Variants in KLK2 observed in about 807,000 individuals in gnomAD.
The protein encoded by KLK2 is kallikrein-2.
Under a neutral mutation model 23.0 loss-of-function variants are expected in KLK2, and 17 were observed. The ratio of observed to expected loss-of-function variants is 0.74; its 90% confidence interval spans 0.51 to 1.11. The LOEUF (loss-of-function observed/expected upper bound fraction) is 1.11. Among genes scored for constraint, KLK2 ranks in the 50% least tolerant of loss-of-function variants. The probability of loss-of-function intolerance (pLI) is 0.00; values close to 1 mark genes in which losing one functional copy is unlikely to be tolerated. For synonymous variants in KLK2, 140 were observed against 124.7 expected (o/e 1.12, Z -0.82); for missense variants, 330 against 325.9 (o/e 1.01, Z -0.10).
intron 1 of KLK2, 47 bp from the exon 2 acceptor site, chr19:50,874,673 TC>T (rs1568502223): frequency 6.4e-7 from 1 of 1,559,782 alleles, no homozygotes; most frequent in Non-Finnish European, 8.7e-7. Context: ...CCCTCCCCTA[TC>T]CAATTCTTTT....
Position 50,878,530 on chromosome 19 carries a change from A to T in KLK2, c.757A>T (p.Ile253Phe). The T allele has an allele frequency of 1.9e-6, 3 of 1,613,874 alleles. No homozygotes were observed. Among genetic ancestry groups the T allele is most frequent in the Non-Finnish European group, 2.5e-6 (3 of 1,179,846 alleles). Residue 253 changes from isoleucine to phenylalanine, a missense_variant, in exon 5 of 5, where the codon ATC becomes TTC. By Grantham distance (21) the Ile-to-Phe change is conservative. Transcript: ENST00000325321. ...CAAGGTGGTGCATTACCGGAAGTGG[A>T]TCAAGGACACCATCGCAGCCAACCC... ...YTKVVHYRKWIKDTIAANP is the reference protein window; with the variant it reads ...YTKVVHYRKWFKDTIAANP
chr19:50,873,491 C>T lies in KLK2; in HGVS notation c.18C>T (p.Leu6=), dbSNP rs187716365. 56 of 1,602,060 alleles carry T rather than the reference C, an allele frequency of 3.5e-5. No homozygotes were observed. In the East Asian group the frequency reaches 1.2e-3, roughly 35 times the overall value. The change falls in exon 1 of 5, where the codon CTC becomes CTT. Residue 6 remains leucine, a synonymous_variant. Transcript: ENST00000325321. The part of the protein sequence containing the change: MWDLV[L]SIALSVGCTG... Reference sequence around the variant, plus strand: ...GTGTCAGCATGTGGGACCTGGTTCTCTCCATCGCCTTGTCTGTGGGGTGCA... The same window carrying T: ...GTGTCAGCATGTGGGACCTGGTTCTTTCCATCGCCTTGTCTGTGGGGTGCA...
At position 50,877,138 on chromosome 19, in the gene KLK2, T is replaced by C. The variant is rs1031467255; in HGVS notation, c.630+130T>C. 3.5e-6 allele frequency: 4 copies of C among 1,141,232 alleles called. No individual in the cohort carries two copies. The African/African-American group carries it at 6.1e-5, about 17-fold the overall frequency. The allele number at this position is 1,141,232 out of a possible 1,614,324, so 70.7% of individuals were successfully genotyped here. A position where few individuals can be genotyped will look rare whatever the true frequency, so the allele number is the denominator to read the frequency against. On this transcript the variant is annotated intron_variant, in intron 4 of 4. Coordinates refer to ENST00000325321, the MANE Select transcript of KLK2 (RefSeq NM_005551.5). ...CAGCTATAGCCACGCCCCCTCCCCA[T>C]GCCTCATCTGCCGCCCTCCTTCCCC...
intron 1 of KLK2, 57 bp from the exon 2 acceptor site, chr19:50,874,664 C>T: frequency 6.5e-7 from 1 of 1,528,504 alleles, no homozygotes; most frequent in South Asian, 1.3e-5. Flanking sequence ...AGCTCAGCTC[C>T]CTCCCCTATC....
chr19:50,878,297 TG>T, intron 4 of KLK2, 106 bp from the exon 5 acceptor site: 1 of 1,063,542 alleles, frequency 9.4e-7, no homozygotes, highest in Non-Finnish European at 1.4e-6. Flanking sequence ...TCCTGAGAGC[TG>T]GGAATTGCTC....
At chr19:50,875,628 G>A (rs2664159) in intron 2 of KLK2, 17,407 of 152,288 alleles carry the variant, frequency 0.11, 1,096 homozygotes, top group African/African-American at 0.16. Context: ...GCAAAACCCC[G>A]TCTCTACTAA....
At chr19:50,878,068 G>A (rs1391473043) in intron 4 of KLK2, among the ~76,000 whole-genome samples, 1 of 152,166 alleles carries the variant, frequency 6.6e-6, no homozygotes, top group Non-Finnish European at 1.5e-5. Flanking sequence ...TGAAGAGGTG[G>A]CCTCTGCGAT....
chr19:50,879,110 G>A lies in KLK2; in HGVS notation c.*551G>A, dbSNP rs2090318365. ...GGATCCTCCTATGTTGTTGAAGGAG[G>A]GACTAGGGGGAGAAACTGAAAGCTG... is the stretch of plus-strand genomic sequence containing the variant. On this transcript the variant is annotated 3_prime_UTR_variant, in exon 5 of 5. Transcript: ENST00000325321. 1 of 232,838 alleles carries A rather than the reference G, an allele frequency of 4.3e-6. No individual in the cohort carries two copies. The highest frequency in any genetic ancestry group is 8.5e-6 in the Non-Finnish European group (1 of 117,954). The allele number at this position is 232,838 out of a possible 1,614,324, so 14.4% of individuals were successfully genotyped here.
rs1019742182 is a variant in KLK2, at chr19:50,878,693, T to A, written c.*134T>A. On this transcript the variant is annotated 3_prime_UTR_variant, in exon 5 of 5. Transcript: ENST00000325321. ...GAAGCTCGAGCCTCCTGAGTCCTAC[T>A]GACCTGTGCTTTCTGGTGTGGAGTC... The A allele has an allele frequency of 1.2e-6, 1 of 804,106 alleles. No individual in the cohort carries two copies. The highest frequency in any genetic ancestry group is 1.7e-5 in the African/African-American group (1 of 58,244). The allele number at this position is 804,106 out of a possible 1,614,324, so 49.8% of individuals were successfully genotyped here. A position where few individuals can be genotyped will look rare whatever the true frequency, so the allele number is the denominator to read the frequency against.
rs773832217 is a variant in KLK2, at chr19:50,876,458, C to G, written c.207-14C>G. 2.0e-5 allele frequency: 33 copies of G among 1,613,362 alleles called. No homozygotes were observed. Among genetic ancestry groups the G allele is most frequent in the Non-Finnish European group, 2.5e-5 (29 of 1,179,540 alleles). On this transcript the variant is annotated splice_polypyrimidine_tract_variant and intron_variant, in intron 2 of 4. Transcript: ENST00000325321. ...TTTTCTCTCTCCTCATGCATCCACC[C>G]CCTTCCTCCCCAGGAATAGCCAGGT...
intron 2 of KLK2, among the ~76,000 whole-genome samples, chr19:50,875,385 T>A (rs2090272328): frequency 1.3e-5 from 2 of 152,188 alleles, no homozygotes; most frequent in African/African-American, 4.8e-5. Flanking sequence ...GGGGTGCCTG[T>A]CATTGCACAG....
chr19:50,878,429 G>A lies in KLK2; in HGVS notation c.656G>A (p.Cys219Tyr). The A allele has an allele frequency of 1.2e-6, 2 of 1,613,886 alleles. No individual in the cohort carries two copies. Among genetic ancestry groups the A allele is most frequent in the Non-Finnish European group, 1.7e-6 (2 of 1,179,834 alleles). Reference protein sequence around the residue: ...CGGDSGGPLVCNGVLQGITSW... With the variant: ...CGGDSGGPLVYNGVLQGITSW... Reference sequence around the variant, plus strand: ...GGTGATTCTGGGGGTCCACTTGTCTGTAATGGTGTGCTTCAAGGTATCACA... The same window carrying A: ...GGTGATTCTGGGGGTCCACTTGTCTATAATGGTGTGCTTCAAGGTATCACA... The change falls in exon 5 of 5, where the codon TGT (cysteine) becomes TAT (tyrosine). Residue 219 changes from cysteine to tyrosine, a missense_variant. Transcript: ENST00000325321.
chr19:50,874,834 C>G lies in KLK2; in HGVS notation c.160C>G (p.Leu54Val). Residue 54 changes from leucine (L) to valine (V), a missense_variant, in exon 2 of 5, where the codon CTG (leucine) becomes GTG (valine). Transcript: ENST00000325321. ...SHGWAHCGGV[L>V]VHPQWVLTAA... is the part of the protein sequence containing the mutation. ...TGGATGGGCACACTGTGGGGGTGTC[C>G]TGGTGCACCCCCAGTGGGTGCTCAC... 1 of 1,613,682 alleles carries G rather than the reference C, an allele frequency of 6.2e-7. No homozygotes were observed. Among genetic ancestry groups the G allele is most frequent in the East Asian group, 2.2e-5 (1 of 44,838 alleles).
Position 50,878,518 on chromosome 19 carries a change from TA to T in KLK2, c.746del (p.Tyr249SerfsTer43). The T allele has an allele frequency of 6.2e-7, 1 of 1,614,070 alleles. No individual in the cohort carries two copies. Among genetic ancestry groups the T allele is most frequent in the Non-Finnish European group, 8.5e-7 (1 of 1,179,954 alleles). ...KPAVYTKVVH[Y>X]RKWIKDTIAA... is the part of the protein sequence containing the mutation. ...TGCTGTGTACACCAAGGTGGTGCATTACCGGAAGTGGATCAAGGACACCATC... is the reference window on the plus strand; with the variant it reads ...TGCTGTGTACACCAAGGTGGTGCATTCCGGAAGTGGATCAAGGACACCATC... On this transcript the variant is annotated frameshift_variant, in exon 5 of 5. Coordinates refer to ENST00000325321, the MANE Select transcript of KLK2 (RefSeq NM_005551.5). LOFTEE classifies it low-confidence loss of function (END_TRUNC).
chr19:50,877,325 C>T, intron 4 of KLK2: 2 of 419,004 alleles, frequency 4.8e-6, no homozygotes, highest in Non-Finnish European at 8.8e-6. Context: ...CTCCTGCAGC[C>T]CCCATGCTGG....
rs1176145987 is a variant in KLK2, at chr19:50,879,911, A to G, written c.*1352A>G. 1 of 229,780 alleles carries G rather than the reference A, an allele frequency of 4.4e-6. No individual in the cohort carries two copies. Among genetic ancestry groups the G allele is most frequent in the African/African-American group, 2.2e-5 (1 of 45,110 alleles). 14.2% of individuals were successfully genotyped at this position (229,780 alleles called of 1,614,324 possible). ...TGAGCAGTGCAGGGCTGCTGAGTCA[A>G]CCTTTTATTGTACAGGGGATGAGGG... On this transcript the variant is annotated 3_prime_UTR_variant, in exon 5 of 5. Transcript: ENST00000325321.
Position 50,874,784 on chromosome 19 carries a change from C to A in KLK2, c.110C>A (p.Pro37His), listed in dbSNP as rs1355209205. ...TGGGAGTGTGAGAAGCATTCCCAAC[C>A]CTGGCAGGTGGCTGTGTACAGTCAT... is the stretch of plus-strand genomic sequence containing the variant. Reference protein sequence around the residue: ...GGWECEKHSQPWQVAVYSHGW... With the variant: ...GGWECEKHSQHWQVAVYSHGW... Residue 37 changes from proline to histidine, a missense_variant, in exon 2 of 5, where the codon CCC becomes CAC. Physicochemically the swap from Pro to His is moderately conservative, Grantham distance 77. Coordinates refer to ENST00000325321, the MANE Select transcript of KLK2 (RefSeq NM_005551.5). 1 of 1,613,584 alleles carries A rather than the reference C, an allele frequency of 6.2e-7. No individual in the cohort carries two copies. Among genetic ancestry groups the A allele is most frequent in the South Asian group, 1.1e-5 (1 of 91,016 alleles).
Position 50,878,944 on chromosome 19 carries a change from ACT to A in KLK2, c.*390_*391del, listed in dbSNP as rs2090316933. On this transcript the variant is annotated 3_prime_UTR_variant, in exon 5 of 5. Coordinates refer to ENST00000325321, the MANE Select transcript of KLK2 (RefSeq NM_005551.5). ...GAGTGGACAGTGACACAAGGTGGACACTCTCTACAGATCACTGAGGATAAGCT... is the reference window on the plus strand; with the variant it reads ...GAGTGGACAGTGACACAAGGTGGACACTCTACAGATCACTGAGGATAAGCT... The A allele has an allele frequency of 3.8e-6, 1 of 265,386 alleles. No individual in the cohort carries two copies. The highest frequency in any genetic ancestry group is 4.8e-5 in the Admixed American group (1 of 20,894). The allele number at this position is 265,386 out of a possible 1,614,324, so 16.4% of individuals were successfully genotyped here.
intron 4 of KLK2, among the ~76,000 whole-genome samples, chr19:50,878,036 A>G (rs1272407206): frequency 6.6e-6 from 1 of 152,090 alleles, no homozygotes; most frequent in African/African-American, 2.4e-5. Flanking sequence ...TGGAGAGGGG[A>G]CATCTAGTCA....
Sources: gnomAD v4.1 joint callset for allele counts (sites outside exome capture counted in the v4.1 genomes callset) on GRCh38, gnomAD v4.1.1 for gene constraint, MANE v1.5 for transcripts, NCBI Gene and HGNC (gene_info 2026-07-23, HGNC 2026-07-21) for gene names.